CAMKMT: variants seen among roughly 807,000 people sequenced by gnomAD.
CAMKMT encodes calmodulin-lysine N-methyltransferase, also known as CaM KMT.
In CAMKMT, 53 loss-of-function variants were observed where a neutral mutation model predicts 48.0. That is an observed-to-expected ratio of 1.10 (90% CI 0.89 to 1.39). The LOEUF is 1.39. Among genes scored for constraint, CAMKMT ranks in the 40% most tolerant of loss-of-function variants. The probability of loss-of-function intolerance (pLI) is 0.00; values close to 1 mark genes in which losing one functional copy is unlikely to be tolerated. For missense variants in CAMKMT, 428 were observed against 402.7 expected, an observed-to-expected ratio of 1.06 and a Z score of -0.54; for synonymous variants, 165 against 152.3, an observed-to-expected ratio of 1.08 and a Z score of -0.61.
At chr2:44,511,173 T>G (rs188135109) in intron 3 of CAMKMT, among the ~76,000 whole-genome samples, 1 of 152,180 alleles carries the variant, frequency 6.6e-6, no homozygotes, top group Admixed American at 6.5e-5. Context: ...TTCATCCCCA[T>G]AGCTTAGCTC....
intron 3 of CAMKMT, among the ~76,000 whole-genome samples, chr2:44,411,037 G>T (rs1225484414): frequency 6.6e-6 from 1 of 152,156 alleles, no homozygotes; most frequent in African/African-American, 2.4e-5. Context: ...TACCCATCTT[G>T]AGTGTTATCA....
intron 3 of CAMKMT, among the ~76,000 whole-genome samples, chr2:44,680,088 G>A (rs752566998): frequency 3.9e-5 from 6 of 152,056 alleles, no homozygotes; most frequent in South Asian, 2.1e-4. Context: ...TTTAATCAGC[G>A]GTGTTTTCTT....
rs909424417 is a variant in CAMKMT at position 44,530,957 on chromosome 2, G to T, written c.376+140652G>T. On this transcript the variant is annotated intron_variant, in intron 3 of 10. Transcript: ENST00000378494. ...AGAAGGAACAAGATATGATGACAAA[G>T]ATCTTCCCCATTGTGCATATGAACT... Among the ~76,000 whole-genome samples, 2 of 151,800 alleles carry T rather than the reference G, an allele frequency of 1.3e-5. 1 individual carries two copies. The highest frequency in any genetic ancestry group is 2.9e-5 in the Non-Finnish European group (2 of 67,932).
At chr2:44,442,583 C>G (rs1318106875) in intron 3 of CAMKMT, among the ~76,000 whole-genome samples, 1 of 152,162 alleles carries the variant, frequency 6.6e-6, no homozygotes, top group Non-Finnish European at 1.5e-5. Context: ...CCTTGCATTT[C>G]AATATAATGT....
intron 3 of CAMKMT, among the ~76,000 whole-genome samples, chr2:44,674,363 G>C (rs1675545415): frequency 6.6e-6 from 1 of 152,180 alleles, no homozygotes; most frequent in South Asian, 2.1e-4. Flanking sequence ...TCCTCCACTA[G>C]ACTATCAGCA....
intron 3 of CAMKMT, among the ~76,000 whole-genome samples, chr2:44,489,019 C>G (rs1257247303): frequency 6.6e-6 from 1 of 151,880 alleles, no homozygotes; most frequent in Admixed American, 6.6e-5. Context: ...GTATATACCA[C>G]TATGCCTGGC....
intron 3 of CAMKMT, among the ~76,000 whole-genome samples, chr2:44,703,771 T>TAAAAAAAA (rs547342457): frequency 3.6e-5 from 3 of 84,098 alleles, no homozygotes; most frequent in Non-Finnish European, 7.0e-5. Context: ...AGCAAGACTC[T>TAAAAAAAA]AAAAAAAAAA....
At chr2:44,462,811 T>A (rs1667917046) in intron 3 of CAMKMT, among the ~76,000 whole-genome samples, 1 of 152,200 alleles carries the variant, frequency 6.6e-6, no homozygotes. Context: ...AATCTAAAGA[T>A]TTCTTCTTTA....
intron 3 of CAMKMT, among the ~76,000 whole-genome samples, chr2:44,428,544 C>T (rs950979365): frequency 6.6e-6 from 1 of 152,218 alleles, no homozygotes; most frequent in Non-Finnish European, 1.5e-5. Context: ...GGGTGGAACC[C>T]TCGCCAGGGA....
chr2:44,625,783 G>A (rs1308212462), intron 3 of CAMKMT, among the ~76,000 whole-genome samples: 2 of 152,142 alleles, frequency 1.3e-5, no homozygotes, highest in South Asian at 2.1e-4. Flanking sequence ...TTCTCCCATT[G>A]AATTACTTTT....
intron 3 of CAMKMT, among the ~76,000 whole-genome samples, chr2:44,569,501 A>G (rs1668794492): frequency 6.6e-6 from 1 of 152,082 alleles, no homozygotes; most frequent in East Asian, 1.9e-4. Context: ...TACTATTGTC[A>G]TTCTCCTTCA....
At chr2:44,634,462 A>G (rs1221232063) in intron 3 of CAMKMT, among the ~76,000 whole-genome samples, 5 of 152,044 alleles carry the variant, frequency 3.3e-5, no homozygotes, top group Admixed American at 6.6e-5. Context: ...CAACTCTAGT[A>G]CCAGCTTTCA....
At chr2:44,693,670 T>A (rs1448104143) in intron 3 of CAMKMT, among the ~76,000 whole-genome samples, 2 of 152,220 alleles carry the variant, frequency 1.3e-5, no homozygotes. Context: ...ATTTCTGCAC[T>A]GGGTTGACAC....
intron 2 of CAMKMT, among the ~76,000 whole-genome samples, chr2:44,389,155 C>T (rs544199047): frequency 6.6e-6 from 1 of 152,134 alleles, no homozygotes; most frequent in South Asian, 2.1e-4. Context: ...TGTCTGAGCT[C>T]AGAATCTCCT....
chr2:44,402,112 AG>A (rs1467301717), intron 3 of CAMKMT, among the ~76,000 whole-genome samples: 3 of 152,108 alleles, frequency 2.0e-5, no homozygotes, highest in Admixed American at 1.3e-4. Context: ...GGATCACCTG[AG>A]GTTGGGCGTT....
intron 3 of CAMKMT, among the ~76,000 whole-genome samples, chr2:44,475,082 C>A (rs967720860): frequency 1.3e-5 from 2 of 152,104 alleles, no homozygotes; most frequent in Non-Finnish European, 2.9e-5. Context: ...AAAATGTAAT[C>A]CTTCTATAGC....
chr2:44,509,852 C>T (rs542392485), intron 3 of CAMKMT, among the ~76,000 whole-genome samples: 70 of 152,290 alleles, frequency 4.6e-4, no homozygotes, highest in Admixed American at 7.8e-4. Context: ...TATGTTACAA[C>T]GTGGGACAAG....
chr2:44,571,784 G>A (rs140187858), intron 3 of CAMKMT, among the ~76,000 whole-genome samples: 2 of 152,110 alleles, frequency 1.3e-5, no homozygotes, highest in African/African-American at 4.8e-5. Context: ...GACCAGCCTG[G>A]TGGCAACACA....
intron 3 of CAMKMT, 38 bp downstream of exon 3, chr2:44,390,343 G>A (rs751506214): frequency 2.1e-6 from 3 of 1,408,646 alleles, no homozygotes; most frequent in Admixed American, 4.0e-5. Flanking sequence ...TATATTTAGT[G>A]TTTTACAAAG....
Sources: allele counts gnomAD v4.1 joint callset (sites outside exome capture counted in the v4.1 genomes callset), GRCh38; gene constraint gnomAD v4.1.1; transcripts MANE v1.5; gene names NCBI Gene and HGNC (gene_info 2026-07-23, HGNC 2026-07-21).